The following TENM2 variants were observed in gnomAD, a reference collection of about 807,000 sequenced individuals.
TENM2 encodes teneurin-2.
TENM2 carries 52 observed loss-of-function variants against 245.2 expected under a neutral mutation model. The observed-to-expected ratio is 0.21, with a 90% CI of 0.17 to 0.27. The LOEUF (loss-of-function observed/expected upper bound fraction) is 0.27, where lower values mean the gene tolerates loss of function less well. Ranked by LOEUF, TENM2 falls within the 10% of genes least tolerant of loss-of-function variation. The pLI is 1.00. For synonymous variants in TENM2, 1,363 were observed against 1,438.9 expected (o/e 0.95, Z 1.19); for missense variants, 3,046 against 3,666.8 (o/e 0.83, Z 4.37).
intron 2 of TENM2, among the ~76,000 whole-genome samples, chr5:167,583,432 TA>T (rs1775235105): frequency 6.8e-6 from 1 of 146,660 alleles, no homozygotes; most frequent in Admixed American, 6.9e-5. Flanking sequence ...TAGGAGGTGA[TA>T]GGGGCCTGTG....
chr5:167,950,663 G>T lies in TENM2; in HGVS notation c.713-1925G>T, dbSNP rs368626997. Among the ~76,000 whole-genome samples, 94 of 152,120 alleles carry T rather than the reference G, an allele frequency of 6.2e-4. No individual in the cohort carries two copies. The South Asian group carries it at 0.011, about 18-fold the overall frequency. ...GAGAATTCATTAACCATGTGTGAGG[G>T]GCTTGGATAGCATCCCTGAAGGATC... is the stretch of plus-strand genomic sequence containing the variant. On this transcript the variant is annotated intron_variant, in intron 3 of 28. Coordinates refer to ENST00000518659, the Ensembl canonical transcript of TENM2.
the TENM2 span, among the ~76,000 whole-genome samples, chr5:167,081,239 G>A: frequency 2.0e-5 from 3 of 151,782 alleles, no homozygotes; most frequent in African/African-American, 7.3e-5. Flanking sequence ...TTTTCACTTG[G>A]TATTTATGAT....
chr5:167,776,888 G>A (rs1763845636), intron 2 of TENM2, among the ~76,000 whole-genome samples: 1 of 151,916 alleles, frequency 6.6e-6, no homozygotes, highest in South Asian at 2.1e-4. Flanking sequence ...TTTTCCAGTT[G>A]TATCCATACC....
At chr5:167,208,818 TC>T in the TENM2 span, among the ~76,000 whole-genome samples, 1 of 152,230 alleles carries the variant, frequency 6.6e-6, no homozygotes, top group Non-Finnish European at 1.5e-5. Flanking sequence ...TAAAATGACA[TC>T]AGACCATGCC....
At chr5:167,621,654 C>T (rs1447309754) in intron 2 of TENM2, among the ~76,000 whole-genome samples, 1 of 152,156 alleles carries the variant, frequency 6.6e-6, no homozygotes, top group Non-Finnish European at 1.5e-5. Context: ...ACTGTGAGCT[C>T]AGGAAGACAC....
intron 2 of TENM2, among the ~76,000 whole-genome samples, chr5:167,451,996 A>C (rs1174932483): frequency 6.6e-6 from 1 of 152,138 alleles, no homozygotes; most frequent in Admixed American, 6.6e-5. Context: ...TTTCCTCAAA[A>C]TTGGGGGAGA....
At chr5:168,091,307 C>A (rs1419403759) in intron 8 of TENM2, among the ~76,000 whole-genome samples, 6 of 152,156 alleles carry the variant, frequency 3.9e-5, no homozygotes, top group African/African-American at 1.4e-4. Context: ...TGTTTTTATT[C>A]TTGAGTAGGT....
At chr5:167,264,691 T>G in the TENM2 span, among the ~76,000 whole-genome samples, 1 of 152,224 alleles carries the variant, frequency 6.6e-6, no homozygotes. Flanking sequence ...CCGCTGCCTA[T>G]GTGTCTTCCC....
intron 2 of TENM2, among the ~76,000 whole-genome samples, chr5:167,637,805 G>A (rs1009305318): frequency 3.9e-5 from 6 of 151,990 alleles, no homozygotes; most frequent in Middle Eastern, 3.2e-3. Flanking sequence ...ACACACCGGG[G>A]CCTATTGTGG....
upstream of TENM2, among the ~76,000 whole-genome samples, chr5:167,280,730 A>G (rs1016178129): frequency 1.3e-5 from 2 of 149,418 alleles, no homozygotes; most frequent in African/African-American, 5.0e-5. Flanking sequence ...TGGGATATCT[A>G]TATCTATCTG....
intron 3 of TENM2, among the ~76,000 whole-genome samples, chr5:167,942,000 G>A (rs1054411201): frequency 1.3e-5 from 2 of 152,156 alleles, no homozygotes; most frequent in African/African-American, 4.8e-5. Flanking sequence ...CTGAGGTCAG[G>A]AGTTTGAGAC....
the TENM2 span, among the ~76,000 whole-genome samples, chr5:167,106,911 G>A: frequency 1.3e-5 from 2 of 151,872 alleles, no homozygotes; most frequent in South Asian, 2.1e-4. Flanking sequence ...GTTGATATAC[G>A]CCAAAAATGC....
At chr5:167,616,228 G>A (rs1677735809) in intron 2 of TENM2, among the ~76,000 whole-genome samples, 1 of 152,090 alleles carries the variant, frequency 6.6e-6, no homozygotes, top group Non-Finnish European at 1.5e-5. Flanking sequence ...TATAGCCTGT[G>A]CTTGATCTAA....
chr5:167,079,826 A>G, the TENM2 span, among the ~76,000 whole-genome samples: 28,430 of 152,130 alleles, frequency 0.19, 3,531 homozygotes, highest in East Asian at 0.38. Flanking sequence ...ACTTCGAGGA[A>G]ACAAAGATTT....
chr5:167,969,381 T>C (rs1306274609), intron 4 of TENM2, among the ~76,000 whole-genome samples: 1 of 152,184 alleles, frequency 6.6e-6, no homozygotes, highest in East Asian at 1.9e-4. Context: ...GAGACGTGAC[T>C]TGCTCCTCCT....
intron 27 of TENM2, among the ~76,000 whole-genome samples, chr5:168,257,240 A>G (rs1313623619): frequency 6.6e-6 from 1 of 151,344 alleles, no homozygotes; most frequent in Admixed American, 6.6e-5. Context: ...TTGGGGGGAC[A>G]TGAGCAAGGT....
chr5:168,134,344 A>G (rs1409869629), intron 12 of TENM2, among the ~76,000 whole-genome samples: 1 of 152,152 alleles, frequency 6.6e-6, no homozygotes, highest in Non-Finnish European at 1.5e-5. Flanking sequence ...AGTAAGAGCC[A>G]GATACATGTA....
intron 2 of TENM2, among the ~76,000 whole-genome samples, chr5:167,451,533 C>T (rs1029860736): frequency 1.3e-5 from 2 of 152,288 alleles, no homozygotes; most frequent in Middle Eastern, 3.4e-3. Flanking sequence ...TAGTCCAGGC[C>T]GCATTCCTAA....
At chr5:167,568,527 G>A (rs1020043168) in intron 2 of TENM2, among the ~76,000 whole-genome samples, 2 of 152,032 alleles carry the variant, frequency 1.3e-5, no homozygotes, top group Admixed American at 1.3e-4. Context: ...TGAAGTTTAT[G>A]CAAATATTTC....
Sources: allele counts gnomAD v4.1 joint callset (sites outside exome capture counted in the v4.1 genomes callset), GRCh38; gene constraint gnomAD v4.1.1; transcripts MANE v1.5; gene names NCBI Gene and HGNC (gene_info 2026-07-23, HGNC 2026-07-21).